The following DCC variants were observed in gnomAD, a reference collection of about 807,000 sequenced individuals.
The protein encoded by DCC is DCC netrin 1 receptor, also known as netrin receptor DCC.
A neutral mutation model predicts 172.5 loss-of-function variants in DCC; 58 were observed. That is an observed-to-expected ratio of 0.34 (90% CI 0.27 to 0.42). The LOEUF is 0.42. DCC is among the 10% of genes least tolerant of loss of function. DCC has a pLI of 1.00. For synonymous variants in DCC, 709 were observed against 644.5 expected (o/e 1.10, Z -1.52); for missense variants, 1,740 against 1,791.0 (o/e 0.97, Z 0.51).
intron 1 of DCC, among the ~76,000 whole-genome samples, chr18:52,528,860 G>A (rs1474904903): frequency 6.6e-6 from 1 of 152,040 alleles, no homozygotes; most frequent in Admixed American, 6.5e-5. Context: ...GACTGGTTTA[G>A]TTAGTCACCA....
At position 53,425,638 on chromosome 18, in the gene DCC, A is replaced by G. The variant is rs559898566; in HGVS notation, c.3163+9482A>G. On this transcript the variant is annotated intron_variant, in intron 21 of 28. Coordinates refer to ENST00000442544, the MANE Select transcript of DCC (RefSeq NM_005215.4). The stretch of plus-strand genomic sequence containing the variant: ...CGGCCTCCCAAAGTGCTGGGATTAC[A>G]GGAATGAGCCACTGCTCCTGGCCCC... 4.6e-5 allele frequency among the ~76,000 whole-genome samples: 7 copies of G among 152,210 alleles called. No individual in the cohort carries two copies. The East Asian group carries it at 9.7e-4, about 21-fold the overall frequency.
At chr18:52,544,760 A>C (rs1395355161) in intron 1 of DCC, among the ~76,000 whole-genome samples, 1 of 152,226 alleles carries the variant, frequency 6.6e-6, no homozygotes, top group East Asian at 1.9e-4. Context: ...ATAGATTGAT[A>C]GATATATCTA....
intron 1 of DCC, among the ~76,000 whole-genome samples, chr18:52,729,056 T>A (rs2036596408): frequency 1.3e-5 from 2 of 152,334 alleles, no homozygotes; most frequent in Admixed American, 6.5e-5. Flanking sequence ...GGTTCTTTTT[T>A]AAAAATTTAA....
intron 9 of DCC, among the ~76,000 whole-genome samples, chr18:53,184,513 G>A (rs2055249163): frequency 6.6e-6 from 1 of 151,966 alleles, no homozygotes; most frequent in Non-Finnish European, 1.5e-5. Flanking sequence ...TATACACCTA[G>A]GCTATATGGT....
chr18:53,469,029 T>C (rs756554445), intron 25 of DCC, among the ~76,000 whole-genome samples: 1 of 152,158 alleles, frequency 6.6e-6, no homozygotes, highest in African/African-American at 2.4e-5. Context: ...CAGTTCCTAT[T>C]ACCTTATTAG....
At chr18:52,808,093 A>G (rs1461193754) in intron 2 of DCC, among the ~76,000 whole-genome samples, 4 of 152,202 alleles carry the variant, frequency 2.6e-5, no homozygotes, top group Non-Finnish European at 5.9e-5. Context: ...ATTCCCTAGC[A>G]AGTTTCCCTT....
At chr18:52,996,234 T>C (rs975398705) in intron 5 of DCC, among the ~76,000 whole-genome samples, 3 of 151,724 alleles carry the variant, frequency 2.0e-5, no homozygotes, top group African/African-American at 7.2e-5. Context: ...CTTTAAGAAG[T>C]TTTATTTTAT....
At chr18:53,084,757 T>C (rs954149793) in intron 7 of DCC, among the ~76,000 whole-genome samples, 2 of 152,212 alleles carry the variant, frequency 1.3e-5, no homozygotes, top group African/African-American at 2.4e-5. Flanking sequence ...CCAAAGACTA[T>C]ACAATAACAA....
intron 2 of DCC, among the ~76,000 whole-genome samples, chr18:52,863,034 A>C (rs2039168549): frequency 6.6e-6 from 1 of 152,140 alleles, no homozygotes; most frequent in Admixed American, 6.5e-5. Context: ...GAAGATATTC[A>C]TAAACATTTT....
chr18:53,043,962 T>C (rs2042202882), intron 5 of DCC, among the ~76,000 whole-genome samples: 2 of 151,862 alleles, frequency 1.3e-5, no homozygotes, highest in African/African-American at 4.8e-5. Flanking sequence ...TTAAATTGCC[T>C]AAAAATGCTA....
rs1168270949 is a variant in DCC, at chr18:53,428,828, T to G, written c.3164-6316T>G. Among the ~76,000 whole-genome samples the G allele has an allele frequency of 1.0e-4, 3 of 28,698 alleles. No homozygotes were observed. In the South Asian group the frequency reaches 5.2e-3, roughly 50 times the overall value. 18.8% of individuals were successfully genotyped at this position (28,698 alleles called of 152,430 possible). ...TATATTTTATATATAATAAATTATATATTATATATTTTATATATAATAAAT... is the reference window on the plus strand; with the variant it reads ...TATATTTTATATATAATAAATTATAGATTATATATTTTATATATAATAAAT... On this transcript the variant is annotated intron_variant, in intron 21 of 28. Coordinates refer to ENST00000442544, the MANE Select transcript of DCC (RefSeq NM_005215.4).
intron 12 of DCC, among the ~76,000 whole-genome samples, chr18:53,235,323 C>G (rs1195304420): frequency 1.3e-5 from 2 of 152,262 alleles, no homozygotes; most frequent in Non-Finnish European, 2.9e-5. Context: ...TCCATGGAAG[C>G]CTGTCTGCTG....
intron 14 of DCC, among the ~76,000 whole-genome samples, chr18:53,334,408 C>T (rs11872486): frequency 0.16 from 24,352 of 152,064 alleles, 2,391 homozygotes; most frequent in African/African-American, 0.27. Context: ...TAATTGTTTA[C>T]AATTATGGAA....
At chr18:53,313,778 G>A (rs2057311789) in intron 13 of DCC, among the ~76,000 whole-genome samples, 1 of 152,110 alleles carries the variant, frequency 6.6e-6, no homozygotes, top group East Asian at 1.9e-4. Flanking sequence ...GGGCATGTGG[G>A]CCTTTGAAGG....
At chr18:53,509,704 A>C (rs1205124103) in intron 27 of DCC, among the ~76,000 whole-genome samples, 1 of 152,224 alleles carries the variant, frequency 6.6e-6, no homozygotes, top group African/African-American at 2.4e-5. Flanking sequence ...TTAGTGTCTC[A>C]GATGATTTAT....
intron 25 of DCC, among the ~76,000 whole-genome samples, chr18:53,475,219 C>G (rs1188023317): frequency 2.0e-5 from 3 of 152,134 alleles, no homozygotes; most frequent in African/African-American, 7.2e-5. Flanking sequence ...TGCCCCCTGA[C>G]AATACAATAG....
rs539953323 is a variant in DCC at position 53,028,345 on chromosome 18, C to T, written c.986-34960C>T. On this transcript the variant is annotated intron_variant, in intron 5 of 28. Transcript: ENST00000442544. ...CATTAAAAATTGTATTTAATAATCA[C>T]GTCTTTCTCTCAGTCAATTAATGAA... Among the ~76,000 whole-genome samples, 17 of 152,072 alleles carry T rather than the reference C, an allele frequency of 1.1e-4. No individual in the cohort carries two copies. In the South Asian group the frequency reaches 1.2e-3, roughly 11 times the overall value.
At chr18:53,052,100 T>C (rs2144040896) in intron 5 of DCC, among the ~76,000 whole-genome samples, 1 of 152,202 alleles carries the variant, frequency 6.6e-6, no homozygotes, top group Admixed American at 6.6e-5. Flanking sequence ...GGTAATTTGA[T>C]ATTTGGTGGC....
intron 1 of DCC, among the ~76,000 whole-genome samples, chr18:52,424,728 A>G (rs970309316): frequency 1.3e-5 from 2 of 152,220 alleles, no homozygotes; most frequent in Non-Finnish European, 2.9e-5. Flanking sequence ...GCCAGTTCAC[A>G]ATGGGAGAAC....
Sources: allele counts gnomAD v4.1 joint callset (sites outside exome capture counted in the v4.1 genomes callset), GRCh38; gene constraint gnomAD v4.1.1; transcripts MANE v1.5; gene names NCBI Gene and HGNC (gene_info 2026-07-23, HGNC 2026-07-21).